The following RHOT1 variants were observed in gnomAD, a reference collection of about 807,000 sequenced individuals.
The protein encoded by RHOT1 is ras homolog family member T1, also known as mitochondrial Rho GTPase 1.
In RHOT1, 27 loss-of-function variants were observed where a neutral mutation model predicts 95.3. That is an observed-to-expected ratio of 0.28 (90% confidence interval 0.21 to 0.39). RHOT1 has a LOEUF of 0.39. Ranked by LOEUF, RHOT1 falls within the 10% of genes least tolerant of loss-of-function variation. The pLI is 1.00. For missense variants in RHOT1, 578 were observed against 786.7 expected, an observed-to-expected ratio of 0.73 and a Z score of 3.17; for synonymous variants, 227 against 263.5, an observed-to-expected ratio of 0.86 and a Z score of 1.34.
intron 1 of RHOT1, among the ~76,000 whole-genome samples, chr17:32,154,754 G>T (rs2142398044): frequency 6.6e-6 from 1 of 152,074 alleles, no homozygotes; most frequent in East Asian, 1.9e-4. Context: ...AATTAGCCGG[G>T]CATGGTGGCA....
At chr17:32,192,172 C>A in intron 8 of RHOT1, 29 bp from the exon 9 acceptor site, 1 of 1,066,844 alleles carries the variant, frequency 9.4e-7, no homozygotes, top group Non-Finnish European at 1.4e-6. Context: ...ACAGTTTAAA[C>A]AATTATTTCT....
intron 1 of RHOT1, among the ~76,000 whole-genome samples, chr17:32,167,580 G>T (rs780658496): frequency 6.6e-6 from 1 of 152,136 alleles, no homozygotes. Context: ...TAATTTTTAA[G>T]GGCCCTAGGA....
At chr17:32,176,482 A>T (rs2035011127) in intron 6 of RHOT1, among the ~76,000 whole-genome samples, 1 of 152,124 alleles carries the variant, frequency 6.6e-6, no homozygotes, top group South Asian at 2.1e-4. Context: ...CTTCAGACAG[A>T]TTATTTTGGT....
intron 11 of RHOT1, among the ~76,000 whole-genome samples, chr17:32,196,237 A>G (rs1273935911): frequency 1.3e-5 from 2 of 150,766 alleles, no homozygotes; most frequent in African/African-American, 4.9e-5. Flanking sequence ...TCAGGCTAGA[A>G]TGCAGTGGTG....
intron 15 of RHOT1, among the ~76,000 whole-genome samples, chr17:32,203,269 C>CTTTTTTTTTTTTTTTT (rs940216011): frequency 4.1e-5 from 3 of 72,326 alleles, no homozygotes; most frequent in Non-Finnish European, 7.6e-5. Context: ...TCTTCTTCTT[C>CTTTTTTTTTTTTTTTT]TTTTTTTTTT....
chr17:32,161,481 C>T (rs2033549810), intron 1 of RHOT1, among the ~76,000 whole-genome samples: 1 of 152,242 alleles, frequency 6.6e-6, no homozygotes, highest in South Asian at 2.1e-4. Context: ...TTATCATTTA[C>T]ACCTGTATCT....
chr17:32,224,539 A>G (rs2039028560), intron 19 of RHOT1, 77 bp from the exon 20 acceptor site: 2 of 998,414 alleles, frequency 2.0e-6, no homozygotes, highest in Non-Finnish European at 3.0e-6. Context: ...CTTCCCTAAA[A>G]GTAGACTGCT....
chr17:32,215,023 C>G (rs1282699527), intron 19 of RHOT1, among the ~76,000 whole-genome samples: 1 of 150,184 alleles, frequency 6.7e-6, no homozygotes, highest in African/African-American at 2.4e-5. Context: ...TCTCGTGCCT[C>G]AGCCTCCGGA....
At chr17:32,164,740 A>G (rs1489333497) in intron 1 of RHOT1, among the ~76,000 whole-genome samples, 2 of 151,624 alleles carry the variant, frequency 1.3e-5, no homozygotes, top group Non-Finnish European at 2.9e-5. Flanking sequence ...AGTAGTGCAC[A>G]CCTGTAGTCC....
chr17:32,176,184 C>T lies in RHOT1; in HGVS notation c.300C>T (p.Leu100=), dbSNP rs763783423. Residue 100 remains leucine (L), a synonymous_variant, in exon 6 of 20, where the codon CTC becomes CTT. Coordinates refer to ENST00000545287, the MANE Select transcript of RHOT1 (RefSeq NM_001033566.3). ...IDKVTSRWIP[L]INERTDKDSR... ...AGGTAACAAGTCGATGGATTCCTCT[C>T]ATAAATGAAAGAACAGACAAAGACA... 3.1e-6 allele frequency: 5 copies of T among 1,611,214 alleles called. No individual in the cohort carries two copies. Among genetic ancestry groups the T allele is most frequent in the South Asian group, 2.2e-5 (2 of 90,540 alleles).
At chr17:32,197,420 A>G (rs145793495) in intron 11 of RHOT1, among the ~76,000 whole-genome samples, 7 of 139,290 alleles carry the variant, frequency 5.0e-5, no homozygotes, top group Non-Finnish European at 1.1e-4. Flanking sequence ...CTTTTTTCTT[A>G]TTTTTTTATT....
At chr17:32,201,172 A>G (rs2037291050) in intron 14 of RHOT1, 116 bp downstream of exon 14, 5 of 563,446 alleles carry the variant, frequency 8.9e-6, no homozygotes, top group Non-Finnish European at 1.5e-5. Flanking sequence ...TCTACACTCT[A>G]TTAGTTTTCC....
At chr17:32,216,848 T>C (rs2038509047) in intron 19 of RHOT1, among the ~76,000 whole-genome samples, 1 of 152,178 alleles carries the variant, frequency 6.6e-6, no homozygotes, top group African/African-American at 2.4e-5. Flanking sequence ...GGATATTACG[T>C]TATAGTAAAA....
chr17:32,208,763 G>T, intron 18 of RHOT1: 2 of 160,510 alleles, frequency 1.2e-5, no homozygotes, highest in Non-Finnish European at 1.4e-5. Flanking sequence ...GTTAGGATAT[G>T]TCTTTTTTAA....
At position 32,195,807 on chromosome 17, in the gene RHOT1, G is replaced by T. The variant is rs148457694; in HGVS notation, c.869+1700G>T. 4.8e-3 allele frequency among the ~76,000 whole-genome samples: 724 copies of T among 152,182 alleles called. 7 individuals carry two copies. The highest frequency in any genetic ancestry group is 0.017 in the African/African-American group (696 of 41,504). On this transcript the variant is annotated intron_variant, in intron 11 of 19. Transcript: ENST00000545287. ...AATCTTGGCTCAAGTTAATTTCCTA[G>T]ATTTTTCAATAAATATATACTAAAT...
chr17:32,206,810 T>C (rs2037789687), intron 16 of RHOT1, 100 bp from the exon 17 acceptor site: 2 of 897,532 alleles, frequency 2.2e-6, no homozygotes, highest in South Asian at 3.7e-5. Context: ...ACCAGTACTT[T>C]TAAACTTAGG....
At chr17:32,184,920 CTTGT>C (rs1476096954) in intron 8 of RHOT1, among the ~76,000 whole-genome samples, 1 of 150,754 alleles carries the variant, frequency 6.6e-6, no homozygotes, top group Non-Finnish European at 1.5e-5. Flanking sequence ...TGTTTGAACA[CTTGT>C]TTGCTTTTTT....
chr17:32,197,762 GGGGTTTTACCAT>G (rs2037011663), intron 11 of RHOT1, among the ~76,000 whole-genome samples: 2 of 151,734 alleles, frequency 1.3e-5, no homozygotes, highest in Non-Finnish European at 2.9e-5. Context: ...TAGTAGAGAC[GGGGTTTTACCAT>G]GTTGGCCAGG....
intron 8 of RHOT1, among the ~76,000 whole-genome samples, chr17:32,187,923 T>C (rs1435460749): frequency 6.6e-6 from 1 of 152,248 alleles, no homozygotes; most frequent in African/African-American, 2.4e-5. Flanking sequence ...TAGGTGAAAA[T>C]TATATTACAT....
Sources: gnomAD v4.1 joint callset for allele counts (sites outside exome capture counted in the v4.1 genomes callset) on GRCh38, gnomAD v4.1.1 for gene constraint, MANE v1.5 for transcripts, NCBI Gene and HGNC (gene_info 2026-07-23, HGNC 2026-07-21) for gene names.